CXXC5: variants seen among roughly 807,000 people sequenced by gnomAD.
The protein encoded by CXXC5 is CXXC-type zinc finger protein 5.
A neutral mutation model predicts 17.6 loss-of-function variants in CXXC5; 2 were observed. The observed-to-expected ratio is 0.11, with a 90% CI of 0.05 to 0.36. CXXC5 has a LOEUF of 0.36. Ranked by LOEUF, CXXC5 falls within the 10% of genes least tolerant of loss-of-function variation. The pLI is 1.00. For synonymous variants in CXXC5, 171 were observed against 193.0 expected (o/e 0.89, Z 0.94); for missense variants, 343 against 458.3 (o/e 0.75, Z 2.30).
At chr5:139,656,926 T>C (rs1235808793) in intron 1 of CXXC5, among the ~76,000 whole-genome samples, 1 of 152,222 alleles carries the variant, frequency 6.6e-6, no homozygotes, top group Non-Finnish European at 1.5e-5. Flanking sequence ...GGTTTCTCCA[T>C]GTTGGCCAGG....
Position 139,665,126 on chromosome 5 carries a change from G to A in CXXC5, c.-160-15238G>A, listed in dbSNP as rs150457473. Among the ~76,000 whole-genome samples, 903 of 152,348 alleles carry A rather than the reference G, an allele frequency of 5.9e-3. 6 individuals are homozygous for A. Among genetic ancestry groups the A allele is most frequent in the African/African-American group, 0.02 (843 of 41,584 alleles). Reference sequence around the variant, plus strand: ...TCAGAGCACCCAGGCTGTCAAGGCCGCCAACTGCCTGCTGGGCGGGCAGGG... The same window carrying A: ...TCAGAGCACCCAGGCTGTCAAGGCCACCAACTGCCTGCTGGGCGGGCAGGG... On this transcript the variant is annotated intron_variant, in intron 1 of 2. Transcript: ENST00000302517.
rs1755940124 is a variant in CXXC5, at chr5:139,663,643, G to A, written c.-161+14798G>A. 6.6e-6 allele frequency among the ~76,000 whole-genome samples: 1 copy of A among 152,178 alleles called. No individual in the cohort carries two copies. Among genetic ancestry groups the A allele is most frequent in the African/African-American group, 2.4e-5 (1 of 41,426 alleles). On this transcript the variant is annotated intron_variant, in intron 1 of 2. Transcript: ENST00000302517. This position sits in a 1 kb window ranked among gnomAD's most constrained non-coding sequence, Gnocchi z 4.2. ...CTGAGGCATGAAGGATTGCCTCAGA[G>A]CTCAAAAGCAAATGGTGAGAGAACC...
At chr5:139,672,047 C>T (rs1224045017) in intron 1 of CXXC5, among the ~76,000 whole-genome samples, 1 of 152,216 alleles carries the variant, frequency 6.6e-6, no homozygotes, top group Admixed American at 6.5e-5. Flanking sequence ...ATGCTTAGCA[C>T]AGTGCCTGGT....
intron 1 of CXXC5, among the ~76,000 whole-genome samples, chr5:139,673,215 G>A (rs1225160193): frequency 1.3e-5 from 2 of 152,222 alleles, no homozygotes; most frequent in Non-Finnish European, 2.9e-5. Flanking sequence ...GATAACATGA[G>A]ATAAAGCATG....
intron 1 of CXXC5, among the ~76,000 whole-genome samples, chr5:139,678,025 A>C (rs904106747): frequency 3.3e-5 from 5 of 152,246 alleles, no homozygotes; most frequent in Admixed American, 1.3e-4. Flanking sequence ...CGGGGGACGC[A>C]CACAGGGGCT....
Position 139,661,120 on chromosome 5 carries a change from G to A in CXXC5, c.-161+12275G>A, listed in dbSNP as rs937338915. On this transcript the variant is annotated intron_variant, in intron 1 of 2. Coordinates refer to ENST00000302517, the MANE Select transcript of CXXC5 (RefSeq NM_016463.9). This position sits in a 1 kb window ranked among gnomAD's most constrained non-coding sequence, Gnocchi z 4.7. ...ATGCTGCAGCCTCCCCTTTTCAGAG[G>A]CCTGGGGAAGCAGCAGGTTATTTAT... is the stretch of plus-strand genomic sequence containing the variant. Among the ~76,000 whole-genome samples the A allele has an allele frequency of 6.6e-6, 1 of 152,170 alleles. No homozygotes were observed. Among genetic ancestry groups the A allele is most frequent in the Non-Finnish European group, 1.5e-5 (1 of 68,016 alleles).
intron 1 of CXXC5, among the ~76,000 whole-genome samples, chr5:139,667,905 C>G (rs1756199067): frequency 1.3e-5 from 2 of 152,186 alleles, no homozygotes; most frequent in Admixed American, 1.3e-4. Flanking sequence ...CCCAGGGCCC[C>G]AGCAGCTGCG....
At chr5:139,682,138 G>T (rs562270471) in intron 2 of CXXC5, among the ~76,000 whole-genome samples, 3 of 152,172 alleles carry the variant, frequency 2.0e-5, no homozygotes, top group African/African-American at 7.2e-5. Flanking sequence ...GGCAGGGCCC[G>T]TCCCTGTGCC....
intron 1 of CXXC5, chr5:139,665,646 T>G (rs1756068254): frequency 2.6e-5 from 4 of 152,278 alleles, no homozygotes; most frequent in Admixed American, 2.6e-4. Flanking sequence ...GCTTGGGAAA[T>G]TAATTTGAAA....
intron 1 of CXXC5, among the ~76,000 whole-genome samples, chr5:139,657,092 T>C (rs1456182232): frequency 6.6e-6 from 1 of 152,254 alleles, no homozygotes; most frequent in Non-Finnish European, 1.5e-5. Context: ...AAGTCCTCTC[T>C]GTGGCAGGCA....
At chr5:139,648,066 T>TTTC (rs1754957508), upstream of CXXC5, 1 of 150,924 alleles carries the variant, frequency 6.6e-6, no homozygotes, top group Admixed American at 6.6e-5. Context: ...TTTTTTTTTT[T>TTTC]TGTAAAGTTG....
Position 139,683,117 on chromosome 5 carries a change from T to G in CXXC5, c.*210T>G, listed in dbSNP as rs1757351703. 4.9e-6 allele frequency: 2 copies of G among 409,134 alleles called. No individual in the cohort carries two copies. Among genetic ancestry groups the G allele is most frequent in the Non-Finnish European group, 8.4e-6 (2 of 236,900 alleles). 25.3% of individuals were successfully genotyped at this position (409,134 alleles called of 1,614,324 possible). Reference sequence around the variant, plus strand: ...GCATAAAAAGAAAAAGAAAAAAATTTAAACTGCTTTTTCGGAAGAACAACA... The same window carrying G: ...GCATAAAAAGAAAAAGAAAAAAATTGAAACTGCTTTTTCGGAAGAACAACA... On this transcript the variant is annotated 3_prime_UTR_variant, in exon 3 of 3. Coordinates refer to ENST00000302517, the MANE Select transcript of CXXC5 (RefSeq NM_016463.9).
At chr5:139,654,870 AGCTAG>A (rs1362877109) in intron 1 of CXXC5, among the ~76,000 whole-genome samples, 1 of 152,166 alleles carries the variant, frequency 6.6e-6, no homozygotes. Context: ...CAGGTGGTGA[AGCTAG>A]TAATGGGGCC....
chr5:139,669,217 G>A (rs902424724), intron 1 of CXXC5, among the ~76,000 whole-genome samples: 5 of 152,294 alleles, frequency 3.3e-5, no homozygotes, highest in Admixed American at 6.5e-5. Flanking sequence ...CAGTGTCCCC[G>A]CCCGCTCTAA....
At chr5:139,664,398 G>A (rs1482446163) in intron 1 of CXXC5, among the ~76,000 whole-genome samples, 2 of 152,142 alleles carry the variant, frequency 1.3e-5, no homozygotes, top group African/African-American at 2.4e-5. Flanking sequence ...AGTTGAGCAA[G>A]TGCCCTTGAG....
rs970596393 is a variant in CXXC5, at chr5:139,663,588, G to T, written c.-161+14743G>T. ...CCCCCATGGTCCTGCAGGCTAGACG[G>T]GGAATGCTTTGTATTTGGGGCTGGG... is the stretch of plus-strand genomic sequence containing the variant. On this transcript the variant is annotated intron_variant, in intron 1 of 2. Coordinates refer to ENST00000302517, the MANE Select transcript of CXXC5 (RefSeq NM_016463.9). The surrounding 1 kb of genome is among the most constrained non-coding windows in gnomAD (Gnocchi z 4.2). Among the ~76,000 whole-genome samples the T allele has an allele frequency of 3.3e-5, 5 of 152,144 alleles. No individual in the cohort carries two copies. The highest frequency in any genetic ancestry group is 9.7e-5 in the African/African-American group (4 of 41,410).
At chr5:139,647,936 T>A (rs1203130085), upstream of CXXC5, 1 of 150,940 alleles carries the variant, frequency 6.6e-6, no homozygotes, top group Non-Finnish European at 1.5e-5. Context: ...GGCCAAATTC[T>A]CCCTCCCGGT....
At chr5:139,653,480 G>C (rs1178272219) in intron 1 of CXXC5, among the ~76,000 whole-genome samples, 1 of 152,160 alleles carries the variant, frequency 6.6e-6, no homozygotes, top group Non-Finnish European at 1.5e-5. Context: ...GCCTGTGAGA[G>C]CATGTGTGTC....
At chr5:139,671,533 G>A (rs1756469926) in intron 1 of CXXC5, among the ~76,000 whole-genome samples, 1 of 152,234 alleles carries the variant, frequency 6.6e-6, no homozygotes, top group South Asian at 2.1e-4. Flanking sequence ...CAGGCACAAA[G>A]AGGGCCTCTG....
Sources: allele counts gnomAD v4.1 joint callset (sites outside exome capture counted in the v4.1 genomes callset), GRCh38; gene constraint gnomAD v4.1.1; non-coding constraint Gnocchi (gnomAD v3.1); transcripts MANE v1.5; gene names NCBI Gene and HGNC (gene_info 2026-07-23, HGNC 2026-07-21).